The following LIMCH1 variants were observed in gnomAD, a reference collection of about 807,000 sequenced individuals.
LIMCH1 encodes LIM and calponin homology domains 1.
A neutral mutation model predicts 176.5 loss-of-function variants in LIMCH1; 113 were observed. The observed-to-expected ratio is 0.64, with a 90% CI of 0.55 to 0.75. The LOEUF (loss-of-function observed/expected upper bound fraction) is 0.75. Among genes scored for constraint, LIMCH1 ranks in the 30% least tolerant of loss-of-function variants. LIMCH1 has a pLI of 0.00. For synonymous variants in LIMCH1, 619 were observed against 645.9 expected (o/e 0.96, Z 0.63); for missense variants, 1,674 against 1,814.9 (o/e 0.92, Z 1.41).
chr4:41,580,248 T>TG (rs2085194993), intron 1 of LIMCH1, among the ~76,000 whole-genome samples: 1 of 152,210 alleles, frequency 6.6e-6, no homozygotes, highest in South Asian at 2.1e-4. Flanking sequence ...GAACGTGTAC[T>TG]GTCCCTCTCC....
chr4:41,504,923 A>G (rs971635174), intron 2 of LIMCH1, among the ~76,000 whole-genome samples: 1 of 152,214 alleles, frequency 6.6e-6, no homozygotes, highest in African/African-American at 2.4e-5. Flanking sequence ...AACCTAGTAG[A>G]TGGAGCAGAT....
intron 21 of LIMCH1, among the ~76,000 whole-genome samples, 137 bp from the exon 22 acceptor site, chr4:41,671,397 AACACACACACACACACACAC>A (rs141018823): frequency 2.2e-5 from 3 of 137,474 alleles, no homozygotes; most frequent in East Asian, 2.1e-4. Context: ...TGACTTACCA[AACACACACACACACACACAC>A]ACACACACAC....
rs183521603 is a variant in LIMCH1 at position 41,360,789 on chromosome 4, A to G, written c.-52A>G. The G allele has an allele frequency of 0.046, 64,140 of 1,398,134 alleles. 2,107 individuals are homozygous for G. The highest frequency in any genetic ancestry group is 0.17 in the African/African-American group (11,253 of 66,256). 86.6% of individuals were successfully genotyped at this position (1,398,134 alleles called of 1,614,324 possible). A position where few individuals can be genotyped will look rare whatever the true frequency, so the allele number is the denominator to read the frequency against. ...CGGGGAGCGCGCTCCTGCGGCGGCGACGGCGGCGGCCGTCCTCATCCCGGC... is the reference window on the plus strand; with the variant it reads ...CGGGGAGCGCGCTCCTGCGGCGGCGGCGGCGGCGGCCGTCCTCATCCCGGC... On this transcript the variant is annotated 5_prime_UTR_variant, in exon 1 of 27. Coordinates refer to the LIMCH1 transcript ENST00000313860. The surrounding 1 kb of genome is among the most constrained non-coding windows in gnomAD (Gnocchi z 4.5).
chr4:41,417,905 A>C (rs1256918028), intron 1 of LIMCH1, among the ~76,000 whole-genome samples: 1 of 152,242 alleles, frequency 6.6e-6, no homozygotes, highest in African/African-American at 2.4e-5. Context: ...GAAATAAAGC[A>C]ATAAATGATC....
At chr4:41,366,909 A>T (rs1003236542) in intron 1 of LIMCH1, among the ~76,000 whole-genome samples, 3 of 150,346 alleles carry the variant, frequency 2.0e-5, no homozygotes, top group African/African-American at 7.5e-5. Flanking sequence ...AAGGAGGTTT[A>T]ACTGACTTAC....
Position 41,664,045 on chromosome 4 carries a change from CAAACAAACA to C in LIMCH1, c.3291+1068_3291+1076del, listed in dbSNP as rs749441903. ...ACACAGCTAGACCCCATCTCAAAAA[CAAACAAACA>C]AAACAATCCAAGCCCATTCCAGACC... On this transcript the variant is annotated intron_variant, in intron 20 of 31. Transcript: ENST00000503057. Among the ~76,000 whole-genome samples the C allele has an allele frequency of 2.1e-3, 314 of 151,798 alleles. 1 individual carries two copies. The highest frequency in any genetic ancestry group is 3.4e-3 in the Non-Finnish European group (233 of 67,886).
chr4:41,492,989 T>G (rs1450358291), intron 1 of LIMCH1, among the ~76,000 whole-genome samples: 1 of 152,154 alleles, frequency 6.6e-6, no homozygotes, highest in Non-Finnish European at 1.5e-5. Context: ...CATATAACCA[T>G]ATATATATGG....
intron 1 of LIMCH1, among the ~76,000 whole-genome samples, chr4:41,361,103 C>T (rs897323732): frequency 1.3e-5 from 2 of 152,258 alleles, no homozygotes; most frequent in African/African-American, 4.8e-5. Flanking sequence ...GAAACCTTAG[C>T]GCTTTGGCAT....
rs531238478 is a variant in LIMCH1, at chr4:41,626,861, A to C, written c.879A>C (p.Ala293=). The C allele has an allele frequency of 2.0e-4, 305 of 1,536,170 alleles. 1 individual carries two copies. The highest frequency in any genetic ancestry group is 2.3e-4 in the Non-Finnish European group (269 of 1,146,920). The change falls in exon 8 of 32, where the codon GCA becomes GCC. Residue 293 remains alanine (A), a synonymous_variant. Transcript: ENST00000503057. ...ATCTTGAGAAGGATGACTTTGCTGC[A>C]AGGAGAGCAAGGATGAACCAAACCA... ...LPDLEKDDFA[A]RRARMNQTKP... is the part of the protein sequence containing the mutation.
At chr4:41,554,165 T>C (rs1419944251) in intron 1 of LIMCH1, among the ~76,000 whole-genome samples, 1 of 152,234 alleles carries the variant, frequency 6.6e-6, no homozygotes, top group Non-Finnish European at 1.5e-5. Flanking sequence ...CTATTTTGCT[T>C]CCACTTGTAT....
chr4:41,390,581 A>G (rs998140559), intron 1 of LIMCH1, among the ~76,000 whole-genome samples: 2 of 152,244 alleles, frequency 1.3e-5, no homozygotes, highest in African/African-American at 4.8e-5. Flanking sequence ...AAGAATAACA[A>G]ATTTTTTATT....
At chr4:41,671,394 CCAAA>C (rs1560316420) in intron 21 of LIMCH1, among the ~76,000 whole-genome samples, 156 bp from the exon 22 acceptor site, 1 of 97,944 alleles carries the variant, frequency 1.0e-5, no homozygotes. Flanking sequence ...TCTTGACTTA[CCAAA>C]CACACACACA....
chr4:41,676,293 C>G (rs1456988291), intron 22 of LIMCH1, 89 bp from the exon 23 acceptor site: 1 of 954,826 alleles, frequency 1.0e-6, no homozygotes, highest in Non-Finnish European at 1.6e-6. Context: ...ATCTGGGTGC[C>G]AGGCCAGAGG....
At chr4:41,642,715 T>G (rs2093877960) in intron 14 of LIMCH1, among the ~76,000 whole-genome samples, 1 of 116,032 alleles carries the variant, frequency 8.6e-6, no homozygotes, top group African/African-American at 3.4e-5. Context: ...TGTGCTAGCA[T>G]GCCTAATTTT....
At chr4:41,404,801 A>C (rs1029243543) in intron 1 of LIMCH1, among the ~76,000 whole-genome samples, 1 of 152,132 alleles carries the variant, frequency 6.6e-6, no homozygotes, top group Non-Finnish European at 1.5e-5. Context: ...ATAATAATTG[A>C]TTAACAATAT....
intron 1 of LIMCH1, among the ~76,000 whole-genome samples, chr4:41,412,492 G>A (rs2059584066): frequency 6.6e-6 from 1 of 152,140 alleles, no homozygotes; most frequent in Non-Finnish European, 1.5e-5. Flanking sequence ...GGGGGAAATA[G>A]AGGTAAAATG....
At chr4:41,528,342 A>G (rs1185031056) in intron 3 of LIMCH1, among the ~76,000 whole-genome samples, 1 of 152,182 alleles carries the variant, frequency 6.6e-6, no homozygotes, top group Non-Finnish European at 1.5e-5. Flanking sequence ...GGTAGGTTTG[A>G]AATTTTTCAA....
chr4:41,617,584 A>G (rs111246984), intron 5 of LIMCH1, among the ~76,000 whole-genome samples: 3 of 152,360 alleles, frequency 2.0e-5, no homozygotes, highest in African/African-American at 7.2e-5. Context: ...CAAATACTGT[A>G]CTAATAAGTA....
intron 1 of LIMCH1, among the ~76,000 whole-genome samples, chr4:41,446,430 TA>T (rs2063300922): frequency 2.0e-5 from 3 of 152,312 alleles, no homozygotes; most frequent in Admixed American, 1.3e-4. Flanking sequence ...TTCACAAATA[TA>T]CGTAGTTAAT....
Sources: allele counts gnomAD v4.1 joint callset (sites outside exome capture counted in the v4.1 genomes callset), GRCh38; gene constraint gnomAD v4.1.1; non-coding constraint Gnocchi (gnomAD v3.1); transcripts MANE v1.5; gene names NCBI Gene and HGNC (gene_info 2026-07-23, HGNC 2026-07-21).